SMIM31: variants seen among roughly 807,000 people sequenced by gnomAD.
The protein encoded by SMIM31 is small integral membrane protein 31, also known as human epithelial cell program regulator.
chr4:164,784,949 C>T (rs1434871272), intron 2 of SMIM31, among the ~76,000 whole-genome samples: 1 of 150,622 alleles, frequency 6.6e-6, no homozygotes, highest in Non-Finnish European at 1.5e-5. Context: ...TAAAGCCGGG[C>T]GCGGTGGCTC....
chr4:164,775,644 G>T lies in SMIM31; in HGVS notation c.112+5089G>T, dbSNP rs528707307. On this transcript the variant is annotated intron_variant, in intron 2 of 2. Coordinates refer to ENST00000507311, the MANE Select transcript of SMIM31 (RefSeq NM_001352885.1). The stretch of plus-strand genomic sequence containing the variant: ...CTTGTGCGCACACGTTTGTGTGTGT[G>T]TCTTTGACAAAACACAGTCTGGTCC... 3.3e-5 allele frequency among the ~76,000 whole-genome samples: 5 copies of T among 152,306 alleles called. No individual in the cohort carries two copies. In the South Asian group the frequency reaches 1.0e-3, roughly 32 times the overall value.
chr4:164,765,817 T>C (rs1732713197), intron 1 of SMIM31, among the ~76,000 whole-genome samples: 1 of 151,922 alleles, frequency 6.6e-6, no homozygotes, highest in Non-Finnish European at 1.5e-5. Flanking sequence ...AACACTAAAT[T>C]CCCACTGCCC....
At chr4:164,778,541 A>G (rs1362145961) in intron 2 of SMIM31, among the ~76,000 whole-genome samples, 1 of 152,200 alleles carries the variant, frequency 6.6e-6, no homozygotes, top group Non-Finnish European at 1.5e-5. Context: ...GACGATATCT[A>G]TAGCACAAAA....
chr4:164,798,409 A>AT lies in SMIM31; in HGVS notation c.113-2669dup, dbSNP rs1211057950. 9.1e-3 allele frequency among the ~76,000 whole-genome samples: 1,267 copies of AT among 138,474 alleles called. 9 individuals are homozygous for AT. The highest frequency in any genetic ancestry group is 0.024 in the African/African-American group (898 of 37,858). 90.8% of individuals were successfully genotyped at this position (138,474 alleles called of 152,430 possible). A position where few individuals can be genotyped will look rare whatever the true frequency, so the allele number is the denominator to read the frequency against. On this transcript the variant is annotated intron_variant, in intron 2 of 2. Coordinates refer to ENST00000507311, the MANE Select transcript of SMIM31 (RefSeq NM_001352885.1). ...CCACCATGCCCAGTTAATATTTTGT[A>AT]TTTTTTTTTTTTTAGTAGAGACGGG... is the stretch of plus-strand genomic sequence containing the variant.
At chr4:164,782,772 A>G (rs1484865037) in intron 2 of SMIM31, among the ~76,000 whole-genome samples, 2 of 152,160 alleles carry the variant, frequency 1.3e-5, no homozygotes, top group Non-Finnish European at 2.9e-5. Context: ...ATATGTAAAC[A>G]GTACTGCAAG....
At chr4:164,792,941 G>T (rs891122566) in intron 2 of SMIM31, among the ~76,000 whole-genome samples, 1 of 152,066 alleles carries the variant, frequency 6.6e-6, no homozygotes, top group African/African-American at 2.4e-5. Context: ...CAATGGATTA[G>T]AATAAAGAGC....
intron 1 of SMIM31, among the ~76,000 whole-genome samples, chr4:164,760,367 G>T (rs1183103570): frequency 2.6e-5 from 4 of 152,148 alleles, no homozygotes; most frequent in African/African-American, 4.8e-5. Context: ...ATTAAACCTT[G>T]TGAGTAGTAG....
At chr4:164,775,425 C>T (rs978743027) in intron 2 of SMIM31, among the ~76,000 whole-genome samples, 2 of 152,196 alleles carry the variant, frequency 1.3e-5, no homozygotes, top group Non-Finnish European at 2.9e-5. Flanking sequence ...ATAGATAGAG[C>T]TAAACATTTG....
intron 2 of SMIM31, among the ~76,000 whole-genome samples, chr4:164,789,942 G>A (rs6536851): frequency 0.73 from 110,689 of 152,072 alleles, 40,795 homozygotes; most frequent in Non-Finnish European, 0.8. Context: ...ACAAAGGACT[G>A]GAAATCTAGT....
intron 1 of SMIM31, among the ~76,000 whole-genome samples, chr4:164,767,195 T>C (rs10015434): frequency 0.46 from 70,633 of 151,948 alleles, 17,333 homozygotes; most frequent in Admixed American, 0.55. Flanking sequence ...ATTCCCTTCG[T>C]GATGCTAAAG....
intron 2 of SMIM31, among the ~76,000 whole-genome samples, chr4:164,798,759 C>T (rs1411190282): frequency 6.6e-6 from 1 of 152,128 alleles, no homozygotes; most frequent in African/African-American, 2.4e-5. Context: ...CTCTAAATCT[C>T]ATGTTGAATT....
chr4:164,754,962 G>C (rs1732537766), intron 1 of SMIM31, among the ~76,000 whole-genome samples: 1 of 150,498 alleles, frequency 6.6e-6, no homozygotes, highest in African/African-American at 2.4e-5. Flanking sequence ...TCAGATTTAT[G>C]TTATTAAAAG....
At chr4:164,757,693 A>T (rs1263311567) in intron 1 of SMIM31, among the ~76,000 whole-genome samples, 1 of 152,078 alleles carries the variant, frequency 6.6e-6, no homozygotes, top group Non-Finnish European at 1.5e-5. Context: ...TCATTACTGA[A>T]TTGCTTTGGA....
At chr4:164,798,380 C>T (rs1198943000) in intron 2 of SMIM31, among the ~76,000 whole-genome samples, 6 of 151,594 alleles carry the variant, frequency 4.0e-5, no homozygotes, top group Non-Finnish European at 5.9e-5. Context: ...ACTACAGGCG[C>T]CCACCACCAT....
Position 164,785,337 on chromosome 4 carries a change from AT to A in SMIM31, c.112+14789del, listed in dbSNP as rs1043365882. 2.6e-5 allele frequency among the ~76,000 whole-genome samples: 4 copies of A among 152,248 alleles called. 1 individual carries two copies. The highest frequency in any genetic ancestry group is 9.6e-5 in the African/African-American group (4 of 41,568). On this transcript the variant is annotated intron_variant, in intron 2 of 2. Transcript: ENST00000507311. ...CACTCCAAAATGGGTTTCTTTAACT[AT>A]TTTTTTGCTTGTTTGTTTACACTTT...
In SMIM31 at chr4:164,801,882, GTCC is replaced by G. The variant is rs1237861549; in HGVS notation, c.*690_*692del. 5.3e-5 allele frequency: 8 copies of G among 151,786 alleles called. No homozygotes were observed. The highest frequency in any genetic ancestry group is 2.4e-5 in the African/African-American group (1 of 41,316). The allele number at this position is 151,786 out of a possible 1,614,324, so 9.4% of individuals were successfully genotyped here. ...CATCCAGGAAAATTTGTCATTCTGT[GTCC>G]TTTATTCATCCTAAAAGTTGAAAGT... On this transcript the variant is annotated 3_prime_UTR_variant, in exon 3 of 3. Transcript: ENST00000507311.
intron 2 of SMIM31, among the ~76,000 whole-genome samples, chr4:164,795,917 G>A (rs949797125): frequency 6.6e-6 from 1 of 152,002 alleles, no homozygotes; most frequent in African/African-American, 2.4e-5. Flanking sequence ...CCTCCATTCG[G>A]CTTCTGATCA....
intron 1 of SMIM31, among the ~76,000 whole-genome samples, chr4:164,762,190 G>A (rs1732659705): frequency 6.6e-6 from 1 of 151,808 alleles, no homozygotes; most frequent in Admixed American, 6.6e-5. Flanking sequence ...ATGACTGAAA[G>A]GGGACTATAA....
chr4:164,801,255 T>C lies in SMIM31; in HGVS notation c.*61T>C. The stretch of plus-strand genomic sequence containing the variant: ...GAGGAAGCAATCCATGGGAACTACT[T>C]ATCCACAGTTACACAAGAGGAGGGG... On this transcript the variant is annotated 3_prime_UTR_variant, in exon 3 of 3. Coordinates refer to ENST00000507311, the MANE Select transcript of SMIM31 (RefSeq NM_001352885.1). The C allele has an allele frequency of 2.5e-6, 1 of 398,626 alleles. No homozygotes were observed. The highest frequency in any genetic ancestry group is 4.4e-6 in the Non-Finnish European group (1 of 225,844). The allele number at this position is 398,626 out of a possible 1,614,324, so 24.7% of individuals were successfully genotyped here.
Sources: allele counts gnomAD v4.1 joint callset (sites outside exome capture counted in the v4.1 genomes callset), GRCh38; gene constraint gnomAD v4.1.1; transcripts MANE v1.5; gene names NCBI Gene and HGNC (gene_info 2026-07-23, HGNC 2026-07-21).